The following MTHFD1L variants were observed in gnomAD, a reference collection of about 807,000 sequenced individuals.
MTHFD1L encodes monofunctional C1-tetrahydrofolate synthase, mitochondrial.
MTHFD1L carries 81 observed loss-of-function variants against 119.5 expected under a neutral mutation model. The observed-to-expected ratio is 0.68, with a 90% CI of 0.57 to 0.82. MTHFD1L has a LOEUF of 0.82. MTHFD1L is among the 40% of genes least tolerant of loss of function. The probability of loss-of-function intolerance (pLI) is 0.00; values close to 1 mark genes in which losing one functional copy is unlikely to be tolerated. For synonymous variants in MTHFD1L, 430 were observed against 475.2 expected, an observed-to-expected ratio of 0.90 and a Z score of 1.24; for missense variants, 1,125 against 1,253.4, an observed-to-expected ratio of 0.90 and a Z score of 1.55.
intron 26 of MTHFD1L, among the ~76,000 whole-genome samples, chr6:151,083,762 C>T (rs1390238837): frequency 2.0e-5 from 3 of 152,126 alleles, no homozygotes; most frequent in Admixed American, 6.5e-5. Context: ...TGACCATTTA[C>T]ACTTTTCAGA....
intron 8 of MTHFD1L, among the ~76,000 whole-genome samples, chr6:150,916,785 G>A (rs1454662807): frequency 2.6e-4 from 14 of 54,790 alleles, no homozygotes; most frequent in African/African-American, 6.7e-4. Context: ...TTTTTGAGGT[G>A]GAGTTTTGCT....
At chr6:150,980,177 G>A (rs1482726623) in intron 20 of MTHFD1L, among the ~76,000 whole-genome samples, 1 of 152,164 alleles carries the variant, frequency 6.6e-6, no homozygotes, top group Non-Finnish European at 1.5e-5. Context: ...GCTTATTAGA[G>A]ACTCTGGCTG....
chr6:150,999,536 A>T (rs929017874), intron 20 of MTHFD1L, among the ~76,000 whole-genome samples: 9 of 152,218 alleles, frequency 5.9e-5, no homozygotes, highest in Admixed American at 1.3e-4. Context: ...CTACAAGAAC[A>T]TGGGAACTAT....
At chr6:150,889,178 A>AAAAAT (rs1370252310) in intron 7 of MTHFD1L, among the ~76,000 whole-genome samples, 2 of 151,734 alleles carry the variant, frequency 1.3e-5, no homozygotes, top group South Asian at 2.1e-4. Flanking sequence ...CTCCGTCTCA[A>AAAAAT]AAAAAAAAGC....
chr6:150,968,880 C>T (rs1468736570), intron 19 of MTHFD1L, among the ~76,000 whole-genome samples: 3 of 114,398 alleles, frequency 2.6e-5, no homozygotes, highest in Admixed American at 9.7e-5. Context: ...CGGAGTTTTG[C>T]TCTTGTTGCC....
At chr6:150,953,929 C>T (rs1199081663) in intron 16 of MTHFD1L, among the ~76,000 whole-genome samples, 2 of 152,100 alleles carry the variant, frequency 1.3e-5, no homozygotes, top group Non-Finnish European at 2.9e-5. Flanking sequence ...GAAAAGCAGG[C>T]CTTTCATTTT....
chr6:150,988,668 G>C (rs186296235), intron 20 of MTHFD1L, among the ~76,000 whole-genome samples: 2 of 152,242 alleles, frequency 1.3e-5, no homozygotes, highest in East Asian at 1.9e-4. Flanking sequence ...GTGCAATGAT[G>C]TAATCTCGGC....
intron 6 of MTHFD1L, among the ~76,000 whole-genome samples, chr6:150,886,993 T>TG (rs1210289611): frequency 7.9e-5 from 11 of 139,638 alleles, no homozygotes; most frequent in African/African-American, 2.6e-4. Flanking sequence ...AGATCCTATC[T>TG]GAAAAAAAAA....
intron 26 of MTHFD1L, among the ~76,000 whole-genome samples, chr6:151,047,272 C>T (rs1350189878): frequency 1.3e-5 from 2 of 152,126 alleles, no homozygotes; most frequent in African/African-American, 2.4e-5. Flanking sequence ...AAGGACTTAC[C>T]GTATATGAAA....
At chr6:150,911,418 A>G (rs1786858625) in intron 8 of MTHFD1L, among the ~76,000 whole-genome samples, 1 of 152,214 alleles carries the variant, frequency 6.6e-6, no homozygotes, top group African/African-American at 2.4e-5. Flanking sequence ...AATTTTACCA[A>G]ATGATATGTA....
intron 9 of MTHFD1L, among the ~76,000 whole-genome samples, chr6:150,920,015 C>T (rs1788633893): frequency 6.6e-6 from 1 of 152,184 alleles, no homozygotes; most frequent in Non-Finnish European, 1.5e-5. Context: ...TCATTCCTCA[C>T]TGGCCATCAG....
intron 26 of MTHFD1L, among the ~76,000 whole-genome samples, chr6:151,043,604 T>C (rs1323589076): frequency 1.3e-5 from 2 of 152,204 alleles, no homozygotes; most frequent in African/African-American, 4.8e-5. Context: ...TTGGAATTCA[T>C]AGTAGAATCC....
At chr6:151,093,613 G>A (rs6931848) in intron 27 of MTHFD1L, among the ~76,000 whole-genome samples, 16,461 of 151,808 alleles carry the variant, frequency 0.11, 1,653 homozygotes, top group African/African-American at 0.26. Context: ...CTGAGATTGC[G>A]CCACTGCACT....
intron 11 of MTHFD1L, chr6:150,935,173 C>T (rs1791840453): frequency 2.5e-6 from 4 of 1,612,150 alleles, no homozygotes; most frequent in Non-Finnish European, 1.7e-6. Context: ...CTAAAACAGT[C>T]ACTTTTCACT....
At chr6:150,883,735 G>T (rs774043803) in intron 5 of MTHFD1L, among the ~76,000 whole-genome samples, 33 of 152,174 alleles carry the variant, frequency 2.2e-4, no homozygotes, top group Admixed American at 2.1e-3. Flanking sequence ...GATACCGGCC[G>T]TCTCCAGTGG....
chr6:151,061,022 A>G (rs1486171591), intron 26 of MTHFD1L, among the ~76,000 whole-genome samples: 2 of 152,210 alleles, frequency 1.3e-5, no homozygotes, highest in Non-Finnish European at 2.9e-5. Flanking sequence ...ACTAAACTCA[A>G]TGAACAGGAG....
At chr6:151,071,119 G>A (rs1015504184) in intron 26 of MTHFD1L, among the ~76,000 whole-genome samples, 5 of 152,210 alleles carry the variant, frequency 3.3e-5, no homozygotes, top group Admixed American at 2.6e-4. Context: ...TCTAGTAGGT[G>A]TGTATGTGCT....
intron 20 of MTHFD1L, among the ~76,000 whole-genome samples, chr6:150,998,046 A>T (rs374016916): frequency 5.9e-5 from 9 of 152,238 alleles, no homozygotes; most frequent in African/African-American, 2.2e-4. Context: ...CAGCAATTGC[A>T]TTTTATATGA....
chr6:150,870,183 A>G (rs960327577), intron 1 of MTHFD1L, among the ~76,000 whole-genome samples: 2 of 152,214 alleles, frequency 1.3e-5, no homozygotes, highest in Non-Finnish European at 2.9e-5. Context: ...GAGAGCTCAC[A>G]TTCCTTCCCA....
Sources: allele counts gnomAD v4.1 joint callset (sites outside exome capture counted in the v4.1 genomes callset), GRCh38; gene constraint gnomAD v4.1.1; transcripts MANE v1.5; gene names NCBI Gene and HGNC (gene_info 2026-07-23, HGNC 2026-07-21).